ZNF385B: variants seen among roughly 807,000 people sequenced by gnomAD.
ZNF385B encodes zinc finger protein 533.
In ZNF385B, 23 loss-of-function variants were observed where a neutral mutation model predicts 39.2. The observed-to-expected ratio is 0.59, with a 90% CI of 0.42 to 0.83. The LOEUF (loss-of-function observed/expected upper bound fraction) is 0.83. ZNF385B is among the 40% of genes least tolerant of loss of function. The pLI is 0.00. For synonymous variants in ZNF385B, 205 were observed against 222.6 expected (o/e 0.92, Z 0.70); for missense variants, 552 against 598.9 (o/e 0.92, Z 0.82).
At chr2:179,645,647 G>A (rs541229073) in intron 3 of ZNF385B, among the ~76,000 whole-genome samples, 23 of 152,110 alleles carry the variant, frequency 1.5e-4, no homozygotes, top group Non-Finnish European at 2.8e-4. Context: ...CTGCTTATGC[G>A]ATCTAAAGTG....
At chr2:179,860,871 G>T (rs1185368586) in intron 1 of ZNF385B, 3 of 326,260 alleles carry the variant, frequency 9.2e-6, no homozygotes, top group South Asian at 7.4e-5. Flanking sequence ...TAACTCCAGG[G>T]ACTCGCAGGA....
intron 6 of ZNF385B, among the ~76,000 whole-genome samples, chr2:179,464,589 C>T (rs935414298): frequency 2.0e-5 from 3 of 152,142 alleles, no homozygotes; most frequent in African/African-American, 4.8e-5. Flanking sequence ...TTCCCAACAC[C>T]ATTTATTAAG....
chr2:179,527,721 T>C (rs1391598416), intron 4 of ZNF385B, among the ~76,000 whole-genome samples: 28 of 152,180 alleles, frequency 1.8e-4, no homozygotes, highest in Non-Finnish European at 2.9e-5. Context: ...CATTTATAAA[T>C]GTATGACTTC....
rs1285965455 is a variant in ZNF385B, at chr2:179,734,266, T to C, written c.298+35237A>G. Reference sequence around the variant, plus strand: ...ATTTATTATTTTATGTGTCTTTGTATACATATGCAAGTATATCTGTTAACT... The same window carrying C: ...ATTTATTATTTTATGTGTCTTTGTACACATATGCAAGTATATCTGTTAACT... On this transcript the variant is annotated intron_variant, in intron 3 of 9. Coordinates refer to ENST00000410066, the MANE Select transcript of ZNF385B (RefSeq NM_152520.6). Among the ~76,000 whole-genome samples, 3 of 152,244 alleles carry C rather than the reference T, an allele frequency of 2.0e-5. No homozygotes were observed. In the East Asian group the frequency reaches 5.8e-4, roughly 29 times the overall value.
intron 3 of ZNF385B, among the ~76,000 whole-genome samples, chr2:179,671,037 A>G (rs1219993343): frequency 6.6e-6 from 1 of 152,266 alleles, no homozygotes; most frequent in Non-Finnish European, 1.5e-5. Flanking sequence ...TAAATGAGAT[A>G]CTACATGTGA....
At chr2:179,553,324 T>G (rs1422333855) in intron 3 of ZNF385B, among the ~76,000 whole-genome samples, 1 of 149,050 alleles carries the variant, frequency 6.7e-6, no homozygotes, top group Non-Finnish European at 1.5e-5. Flanking sequence ...ATAATAGTAT[T>G]ATTTGATTCA....
At chr2:179,447,326 A>G (rs954777864) in intron 6 of ZNF385B, among the ~76,000 whole-genome samples, 22 of 152,218 alleles carry the variant, frequency 1.4e-4, no homozygotes, top group African/African-American at 5.1e-4. Context: ...CAATTTATCC[A>G]AAATATAAGA....
chr2:179,693,605 T>G (rs1456475216), intron 3 of ZNF385B, among the ~76,000 whole-genome samples: 2 of 152,196 alleles, frequency 1.3e-5, no homozygotes, highest in African/African-American at 4.8e-5. Flanking sequence ...AGAGTTTCAT[T>G]GGCTACGTTT....
intron 4 of ZNF385B, chr2:179,522,815 T>C: frequency 5.4e-6 from 2 of 373,082 alleles, no homozygotes; most frequent in South Asian, 4.5e-5. Flanking sequence ...TAGGAAATAA[T>C]ACTAAAGATG....
At chr2:179,598,331 A>T (rs1688156623) in intron 3 of ZNF385B, among the ~76,000 whole-genome samples, 1 of 152,004 alleles carries the variant, frequency 6.6e-6, no homozygotes, top group Admixed American at 6.6e-5. Context: ...CTCCACCGTG[A>T]TGAGAAATAC....
At chr2:179,458,707 C>G (rs182325119) in intron 6 of ZNF385B, among the ~76,000 whole-genome samples, 1 of 152,278 alleles carries the variant, frequency 6.6e-6, no homozygotes, top group Admixed American at 6.5e-5. Context: ...CTCTAGCCTC[C>G]AGACACTCTT....
At chr2:179,786,054 A>G (rs971013368) in intron 1 of ZNF385B, among the ~76,000 whole-genome samples, 1 of 152,292 alleles carries the variant, frequency 6.6e-6, no homozygotes, top group Non-Finnish European at 1.5e-5. Context: ...CTGATCAGTC[A>G]GCAGCAGTCA....
intron 3 of ZNF385B, among the ~76,000 whole-genome samples, chr2:179,740,837 G>A (rs1336503525): frequency 2.0e-5 from 3 of 152,056 alleles, no homozygotes; most frequent in African/African-American, 7.2e-5. Context: ...AGTCAAAAGT[G>A]GGAAACAGAT....
intron 1 of ZNF385B, among the ~76,000 whole-genome samples, chr2:179,826,543 C>T (rs1707693401): frequency 6.6e-6 from 1 of 152,108 alleles, no homozygotes; most frequent in South Asian, 2.1e-4. Flanking sequence ...GAAAATACTC[C>T]CAATAGGCAC....
intron 3 of ZNF385B, among the ~76,000 whole-genome samples, chr2:179,563,472 A>C (rs1684175393): frequency 6.6e-6 from 1 of 152,214 alleles, no homozygotes; most frequent in Non-Finnish European, 1.5e-5. Flanking sequence ...AACCACAGCC[A>C]ACACTTTAGT....
At chr2:179,830,008 A>G (rs943955709) in intron 1 of ZNF385B, among the ~76,000 whole-genome samples, 2 of 152,226 alleles carry the variant, frequency 1.3e-5, no homozygotes, top group African/African-American at 4.8e-5. Context: ...AAATATAAAA[A>G]ACTCTTCAAC....
intron 4 of ZNF385B, among the ~76,000 whole-genome samples, chr2:179,521,824 T>G (rs2058529090): frequency 6.6e-6 from 1 of 152,200 alleles, no homozygotes; most frequent in African/African-American, 2.4e-5. Flanking sequence ...TTTTCATCCT[T>G]TGGATAACTT....
intron 4 of ZNF385B, among the ~76,000 whole-genome samples, chr2:179,525,034 C>A (rs2058801215): frequency 6.6e-6 from 1 of 151,946 alleles, no homozygotes; most frequent in Admixed American, 6.5e-5. Flanking sequence ...TATTATCCTC[C>A]TTTAACAAAC....
At chr2:179,634,523 G>A (rs1489383477) in intron 3 of ZNF385B, among the ~76,000 whole-genome samples, 3 of 152,204 alleles carry the variant, frequency 2.0e-5, no homozygotes, top group Non-Finnish European at 2.9e-5. Flanking sequence ...ACAGTAGTTA[G>A]AATAGTAATC....
Sources: gnomAD v4.1 joint callset for allele counts (sites outside exome capture counted in the v4.1 genomes callset) on GRCh38, gnomAD v4.1.1 for gene constraint, MANE v1.5 for transcripts, NCBI Gene and HGNC (gene_info 2026-07-23, HGNC 2026-07-21) for gene names.